The following RNF217 variants were observed in gnomAD, a reference collection of about 807,000 sequenced individuals.
RNF217 encodes E3 ubiquitin-protein ligase RNF217.
A neutral mutation model predicts 57.8 loss-of-function variants in RNF217; 31 were observed. The ratio of observed to expected loss-of-function variants is 0.54; its 90% CI spans 0.40 to 0.72. The LOEUF (loss-of-function observed/expected upper bound fraction) is 0.72, where lower values mean the gene tolerates loss of function less well. Among genes scored for constraint, RNF217 ranks in the 30% least tolerant of loss-of-function variants. RNF217 has a pLI of 0.00. For missense variants in RNF217, 696 were observed against 708.3 expected (o/e 0.98, Z 0.20); for synonymous variants, 313 against 294.0 (o/e 1.06, Z -0.66).
At position 124,978,668 on chromosome 6, in the gene RNF217, T is replaced by TG. The variant is rs1161263136; in HGVS notation, c.882+15245dup. 2.0e-5 allele frequency among the ~76,000 whole-genome samples: 3 copies of TG among 151,976 alleles called. 1 individual carries two copies. The highest frequency in any genetic ancestry group is 2.0e-4 in the Admixed American group (3 of 15,252). Reference sequence around the variant, plus strand: ...TTTATTCTCGTCGCCCACAGCTCAGTGGGCAGAAGGGAGGGTTACAGATCA... The same window carrying TG: ...TTTATTCTCGTCGCCCACAGCTCAGTGGGGCAGAAGGGAGGGTTACAGATCA... On this transcript the variant is annotated intron_variant, in intron 1 of 5. Transcript: ENST00000521654.
intron 1 of RNF217, among the ~76,000 whole-genome samples, chr6:125,006,762 A>G (rs1354882828): frequency 1.3e-5 from 2 of 152,284 alleles, no homozygotes; most frequent in Admixed American, 1.3e-4. Flanking sequence ...CAGCCTGGCC[A>G]ACATGGTGAA....
chr6:125,060,382 T>C (rs187372177), intron 3 of RNF217, among the ~76,000 whole-genome samples: 12,177 of 151,174 alleles, frequency 0.081, 514 homozygotes, highest in South Asian at 0.12. Flanking sequence ...CACACACACA[T>C]ATATATTTGT....
At chr6:125,070,317 T>G (rs936698144) in intron 3 of RNF217, among the ~76,000 whole-genome samples, 4 of 152,188 alleles carry the variant, frequency 2.6e-5, no homozygotes, top group African/African-American at 9.6e-5. Flanking sequence ...TATAAACATG[T>G]GCGTGCACAT....
chr6:124,986,170 A>T (rs1240189880), intron 1 of RNF217, among the ~76,000 whole-genome samples: 5 of 152,186 alleles, frequency 3.3e-5, no homozygotes, highest in Admixed American at 3.3e-4. Context: ...AGTATAAATA[A>T]TGCATTTGTT....
intron 3 of RNF217, among the ~76,000 whole-genome samples, chr6:125,076,414 A>G (rs7754642): frequency 0.46 from 69,912 of 151,880 alleles, 16,495 homozygotes; most frequent in Middle Eastern, 0.53. Flanking sequence ...TTGCTTTTAT[A>G]TTGGTCAAGA....
In RNF217 at chr6:125,022,389, C is replaced by T. The variant is rs191751667; in HGVS notation, c.883-22822C>T. ...TTAACACATTAACAAAAATAAGTAA[C>T]AATTAATGTTCTTTCACCTGAGCAG... On this transcript the variant is annotated intron_variant, in intron 1 of 5. Transcript: ENST00000521654. Among the ~76,000 whole-genome samples the T allele has an allele frequency of 8.7e-4, 133 of 152,192 alleles. 1 individual carries two copies. The highest frequency in any genetic ancestry group is 3.1e-3 in the African/African-American group (128 of 41,530).
At chr6:125,007,035 A>C in intron 1 of RNF217, among the ~76,000 whole-genome samples, 1 of 151,930 alleles carries the variant, frequency 6.6e-6, no homozygotes, top group South Asian at 2.1e-4. Flanking sequence ...GTAATTATTA[A>C]GTATGTAAAT....
At chr6:125,032,925 A>C (rs1786422754) in intron 1 of RNF217, among the ~76,000 whole-genome samples, 1 of 152,144 alleles carries the variant, frequency 6.6e-6, no homozygotes, top group Non-Finnish European at 1.5e-5. Flanking sequence ...TGTAATATTA[A>C]ACATTGTTTT....
At chr6:124,980,029 G>C (rs9375379) in intron 1 of RNF217, among the ~76,000 whole-genome samples, 35,859 of 152,100 alleles carry the variant, frequency 0.24, 4,638 homozygotes, top group East Asian at 0.4. Context: ...GGTTTTACAA[G>C]TCTGTGTATC....
chr6:125,001,250 T>C (rs956402450), intron 1 of RNF217, among the ~76,000 whole-genome samples: 1 of 152,210 alleles, frequency 6.6e-6, no homozygotes, highest in Non-Finnish European at 1.5e-5. Context: ...GTAAGTTTTC[T>C]TGTATTTTTA....
chr6:125,062,268 C>T (rs1031429087), intron 3 of RNF217, among the ~76,000 whole-genome samples: 1 of 151,638 alleles, frequency 6.6e-6, no homozygotes, highest in Non-Finnish European at 1.5e-5. Flanking sequence ...GAGTTTTTAC[C>T]TTTTTCTCAA....
At chr6:125,082,819 A>G in intron 5 of RNF217, 45 bp from the exon 6 acceptor site, 1 of 1,400,302 alleles carries the variant, frequency 7.1e-7, no homozygotes, top group Non-Finnish European at 1.0e-6. Flanking sequence ...AGGAAAACCT[A>G]AATGCCTCTC....
At chr6:124,981,221 A>G (rs1784147856) in intron 1 of RNF217, among the ~76,000 whole-genome samples, 1 of 152,340 alleles carries the variant, frequency 6.6e-6, no homozygotes, top group South Asian at 2.1e-4. Flanking sequence ...TAAATTTGTA[A>G]TATCTCATTA....
intron 3 of RNF217, among the ~76,000 whole-genome samples, chr6:125,068,564 G>A (rs186132830): frequency 5.3e-5 from 8 of 152,290 alleles, no homozygotes; most frequent in Admixed American, 5.2e-4. Flanking sequence ...CTTAAGGGCA[G>A]GAGCCATGTC....
chr6:125,045,454 T>G lies in RNF217; in HGVS notation c.1116+10T>G, dbSNP rs1159386680. On this transcript the variant is annotated intron_variant, in intron 2 of 5. Coordinates refer to ENST00000521654, the MANE Select transcript of RNF217 (RefSeq NM_001286398.3). ...AGAAAGCAAATACAAAGTAAGCATT[T>G]TCACCAGAGCTGTGGGTTAGATGTC... 2 of 1,603,176 alleles carry G rather than the reference T, an allele frequency of 1.2e-6. No individual in the cohort carries two copies. The highest frequency in any genetic ancestry group is 3.4e-5 in the Admixed American group (2 of 59,662).
chr6:125,062,846 A>G (rs1444459350), intron 3 of RNF217, among the ~76,000 whole-genome samples: 1 of 152,144 alleles, frequency 6.6e-6, no homozygotes, highest in African/African-American at 2.4e-5. Flanking sequence ...AAAGTGTTGG[A>G]TTACAGGCGT....
chr6:124,966,038 G>A (rs933429106), intron 1 of RNF217, among the ~76,000 whole-genome samples: 4 of 152,178 alleles, frequency 2.6e-5, no homozygotes, highest in African/African-American at 9.7e-5. Flanking sequence ...TTCTGCATTG[G>A]CACTAAATTC....
At chr6:125,076,013 G>C (rs1788352686) in intron 3 of RNF217, among the ~76,000 whole-genome samples, 1 of 152,100 alleles carries the variant, frequency 6.6e-6, no homozygotes, top group Non-Finnish European at 1.5e-5. Context: ...CTTGTTACAT[G>C]ATGGGTGAAG....
intron 3 of RNF217, among the ~76,000 whole-genome samples, chr6:125,074,228 T>C (rs919049820): frequency 6.6e-6 from 1 of 152,080 alleles, no homozygotes; most frequent in Non-Finnish European, 1.5e-5. Flanking sequence ...CACTTAATTA[T>C]TACTTCTTCA....
Sources: gnomAD v4.1 joint callset for allele counts (sites outside exome capture counted in the v4.1 genomes callset) on GRCh38, gnomAD v4.1.1 for gene constraint, MANE v1.5 for transcripts, NCBI Gene and HGNC (gene_info 2026-07-23, HGNC 2026-07-21) for gene names.